The following EYA1 variants were observed in gnomAD, a reference collection of about 807,000 sequenced individuals.
EYA1 encodes protein phosphatase EYA1.
In EYA1, 16 loss-of-function variants were observed where a neutral mutation model predicts 82.0. The observed-to-expected ratio is 0.20, with a 90% CI of 0.13 to 0.30. EYA1 has a LOEUF of 0.30. Ranked by LOEUF, EYA1 falls within the 10% of genes least tolerant of loss-of-function variation. The probability of loss-of-function intolerance (pLI) is 1.00; values close to 1 mark genes in which losing one functional copy is unlikely to be tolerated. For synonymous variants in EYA1, 261 were observed against 264.4 expected (o/e 0.99, Z 0.12); for missense variants, 633 against 730.7 (o/e 0.87, Z 1.54).
intron 2 of EYA1, among the ~76,000 whole-genome samples, chr8:71,457,048 T>G (rs1309246997): frequency 6.6e-6 from 1 of 151,774 alleles, no homozygotes; most frequent in African/African-American, 2.4e-5. Context: ...TACAAAGAAC[T>G]CAAACAAATT....
chr8:71,220,930 G>A (rs771865570), intron 12 of EYA1, among the ~76,000 whole-genome samples: 10 of 152,200 alleles, frequency 6.6e-5, no homozygotes, highest in Non-Finnish European at 1.3e-4. Context: ...AGGAAGCAGT[G>A]GTCAAGTTAT....
At chr8:71,245,420 G>A (rs1301972612) in intron 11 of EYA1, among the ~76,000 whole-genome samples, 3 of 151,824 alleles carry the variant, frequency 2.0e-5, no homozygotes, top group Non-Finnish European at 4.4e-5. Context: ...TAGTAGAGAC[G>A]GAGTTTCACC....
chr8:71,299,204 C>T lies in EYA1; in HGVS notation c.669G>A (p.Gln223=). The change falls in exon 9 of 18, where the codon CAG becomes CAA. Residue 223 remains glutamine, a synonymous_variant. Coordinates refer to ENST00000340726, the MANE Select transcript of EYA1 (RefSeq NM_000503.6). ...TGTTATAATACTGTGCGTACTGACC[C>T]TGGCCAAAACTGGGATAAGACGGAT... ...QDYPSYPSFG[Q]GQYAQYYNSS... 1 of 1,614,110 alleles carries T rather than the reference C, an allele frequency of 6.2e-7. No individual in the cohort carries two copies. Among genetic ancestry groups the T allele is most frequent in the Non-Finnish European group, 8.5e-7 (1 of 1,180,000 alleles).
At chr8:71,457,210 C>G (rs1301976761) in intron 2 of EYA1, among the ~76,000 whole-genome samples, 2 of 152,098 alleles carry the variant, frequency 1.3e-5, no homozygotes, top group Admixed American at 6.6e-5. Context: ...ACCACAATGA[C>G]ATACCATCTC....
chr8:71,485,116 T>C (rs1233508791), intron 2 of EYA1, among the ~76,000 whole-genome samples: 35 of 152,250 alleles, frequency 2.3e-4, no homozygotes. Flanking sequence ...TATTGGTATA[T>C]GTTAAAGTTT....
intron 2 of EYA1, among the ~76,000 whole-genome samples, chr8:71,462,058 C>T (rs1399544010): frequency 6.6e-6 from 1 of 152,100 alleles, no homozygotes; most frequent in Admixed American, 6.5e-5. Flanking sequence ...AGTTCCCACT[C>T]CAGTCCTCAG....
intron 3 of EYA1, among the ~76,000 whole-genome samples, chr8:71,339,161 C>T (rs1824836490): frequency 6.6e-6 from 1 of 152,174 alleles, no homozygotes; most frequent in Admixed American, 6.5e-5. Context: ...TCAGAACAAG[C>T]CATCTTTCCA....
intron 2 of EYA1, among the ~76,000 whole-genome samples, chr8:71,383,834 A>G (rs1006327308): frequency 6.6e-6 from 1 of 152,084 alleles, no homozygotes; most frequent in Admixed American, 6.6e-5. Flanking sequence ...AAAGAAAAGA[A>G]AAGATTTGGA....
intron 2 of EYA1, among the ~76,000 whole-genome samples, chr8:71,419,663 G>C (rs1210772034): frequency 1.3e-5 from 2 of 151,932 alleles, no homozygotes; most frequent in African/African-American, 4.8e-5. Context: ...TTATTATTTT[G>C]AAATTTTCCA....
In EYA1 at chr8:71,411,579, C is replaced by G. The variant is rs548478261; in HGVS notation, c.34-55068G>C. On this transcript the variant is annotated intron_variant, in intron 2 of 18. Coordinates refer to the EYA1 transcript ENST00000643681. ...TCAAAAAGTGGGCGAAGGACATGAA[C>G]AGACACTTCTCAAAAGAAGACATTT... is the stretch of plus-strand genomic sequence containing the variant. Among the ~76,000 whole-genome samples, 619 of 151,394 alleles carry G rather than the reference C, an allele frequency of 4.1e-3. 2 individuals carry two copies. The highest frequency in any genetic ancestry group is 7.0e-3 in the Non-Finnish European group (476 of 67,932).
intron 2 of EYA1, among the ~76,000 whole-genome samples, chr8:71,526,634 G>C (rs144786002): frequency 6.6e-6 from 1 of 152,198 alleles, no homozygotes; most frequent in African/African-American, 2.4e-5. Context: ...GGCCACATGT[G>C]CCCCTCCACA....
intron 2 of EYA1, among the ~76,000 whole-genome samples, chr8:71,390,139 C>T (rs745736953): frequency 2.8e-4 from 42 of 152,052 alleles, no homozygotes; most frequent in Admixed American, 1.2e-3. Context: ...ATTCCTTTAA[C>T]GACAAAAATA....
chr8:71,530,827 C>G (rs180846409), intron 2 of EYA1: 14 of 152,302 alleles, frequency 9.2e-5, no homozygotes, highest in Admixed American at 9.2e-4. Flanking sequence ...CTGCTGTTAG[C>G]ACTTCAAATT....
chr8:71,495,142 A>G (rs189056261), intron 2 of EYA1, among the ~76,000 whole-genome samples: 25 of 152,188 alleles, frequency 1.6e-4, no homozygotes, highest in Admixed American at 1.3e-3. Flanking sequence ...TTAAAGAGAT[A>G]AATAGTGATT....
Position 71,360,732 on chromosome 8 carries a change from A to G in EYA1, c.-55+915T>C, listed in dbSNP as rs900599702. The stretch of plus-strand genomic sequence containing the variant: ...AACCTACTTTGAAAGACACATTATA[A>G]AAACAATCCCAAACCTATAAAACTA... On this transcript the variant is annotated intron_variant, in intron 1 of 17. Transcript: ENST00000340726. 3.3e-5 allele frequency among the ~76,000 whole-genome samples: 5 copies of G among 152,368 alleles called. 1 individual carries two copies. The highest frequency in any genetic ancestry group is 3.9e-4 in the East Asian group (2 of 5,190).
At chr8:71,499,594 G>T (rs2129235698) in intron 2 of EYA1, among the ~76,000 whole-genome samples, 1 of 152,282 alleles carries the variant, frequency 6.6e-6, no homozygotes, top group Non-Finnish European at 1.5e-5. Flanking sequence ...TTATTTGCTT[G>T]CTTACTTGTT....
At chr8:71,402,692 C>A (rs1563576434) in intron 2 of EYA1, among the ~76,000 whole-genome samples, 1 of 152,016 alleles carries the variant, frequency 6.6e-6, no homozygotes, top group East Asian at 1.9e-4. Flanking sequence ...GACTGGACTT[C>A]ACAGATAATA....
chr8:71,448,129 C>G (rs1023410885), intron 2 of EYA1, among the ~76,000 whole-genome samples: 5 of 150,312 alleles, frequency 3.3e-5, no homozygotes, highest in Non-Finnish European at 7.4e-5. Context: ...TCCCTAGCAG[C>G]TGGTACTACA....
chr8:71,398,088 T>C (rs1829735391), intron 2 of EYA1, among the ~76,000 whole-genome samples: 1 of 152,198 alleles, frequency 6.6e-6, no homozygotes, highest in African/African-American at 2.4e-5. Flanking sequence ...AATCTTGTAC[T>C]TATGCTTGTG....
Sources: gnomAD v4.1 joint callset for allele counts (sites outside exome capture counted in the v4.1 genomes callset) on GRCh38, gnomAD v4.1.1 for gene constraint, MANE v1.5 for transcripts, NCBI Gene and HGNC (gene_info 2026-07-23, HGNC 2026-07-21) for gene names.